The following EFCAB6 variants were observed in gnomAD, a reference collection of about 807,000 sequenced individuals.
EFCAB6 encodes the protein EF-hand calcium-binding domain-containing protein 6.
A neutral mutation model predicts 169.8 loss-of-function variants in EFCAB6; 156 were observed. That is an observed-to-expected ratio of 0.92 (90% CI 0.81 to 1.05). EFCAB6 has a LOEUF of 1.05. Among genes scored for constraint, EFCAB6 ranks in the 50% least tolerant of loss-of-function variants. The pLI is 0.00. For missense variants in EFCAB6, 1,800 were observed against 1,829.1 expected (o/e 0.98, Z 0.29); for synonymous variants, 698 against 676.4 (o/e 1.03, Z -0.50).
rs2147257059 is a variant in EFCAB6 at position 43,576,361 on chromosome 22, A to G, written c.3356T>C (p.Ile1119Thr). The G allele has an allele frequency of 6.2e-7, 1 of 1,600,482 alleles. No homozygotes were observed. The highest frequency in any genetic ancestry group is 1.1e-5 in the South Asian group (1 of 87,106). The change falls in exon 26 of 32, where the codon ATT becomes ACT. Residue 1119 changes from isoleucine to threonine, a missense_variant. Coordinates refer to ENST00000262726, the MANE Select transcript of EFCAB6 (RefSeq NM_022785.4). ...QYHYFLRKLRIHLTPYINWKY... is the reference protein window; with the variant it reads ...QYHYFLRKLRTHLTPYINWKY... ...CCAATTTATATAGGGGGTTAGATGAATTCTTAGTTTCCTCAAAAAATAATG... is the reference window on the plus strand; with the variant it reads ...CCAATTTATATAGGGGGTTAGATGAGTTCTTAGTTTCCTCAAAAAATAATG...
intron 2 of EFCAB6, among the ~76,000 whole-genome samples, chr22:43,787,348 A>G (rs1334056352): frequency 2.3e-5 from 2 of 88,034 alleles, no homozygotes; most frequent in Non-Finnish European, 2.3e-5. Context: ...AGATACACAC[A>G]TATGCACACA....
intron 6 of EFCAB6, among the ~76,000 whole-genome samples, chr22:43,747,151 T>C (rs946344134): frequency 2.6e-5 from 4 of 152,198 alleles, no homozygotes; most frequent in Non-Finnish European, 5.9e-5. Context: ...CCACCTCACC[T>C]AAGAAATAGA....
chr22:43,676,706 A>G (rs1322568383), intron 13 of EFCAB6, among the ~76,000 whole-genome samples: 2 of 152,230 alleles, frequency 1.3e-5, no homozygotes, highest in African/African-American at 4.8e-5. Context: ...ACATGTACCA[A>G]GAGGAGGTAA....
intron 12 of EFCAB6, among the ~76,000 whole-genome samples, chr22:43,680,074 T>C (rs568831405): frequency 1.5e-4 from 23 of 152,308 alleles, no homozygotes; most frequent in African/African-American, 5.5e-4. Context: ...CAAAGATTTA[T>C]ATATGTTTTT....
rs2050371124 is a variant in EFCAB6 at position 43,577,959 on chromosome 22, TAAAAGGGTCAC to T, written c.3229-1482_3229-1472del. On this transcript the variant is annotated intron_variant, in intron 25 of 31. Coordinates refer to ENST00000262726, the MANE Select transcript of EFCAB6 (RefSeq NM_022785.4). ...TCCCACCTCCAAGAGTCTGATACCC[TAAAAGGGTCAC>T]TAGCCTTGATTTCTTCAAAAGTCAT... Among the ~76,000 whole-genome samples the T allele has an allele frequency of 2.0e-5, 3 of 151,622 alleles. No individual in the cohort carries two copies. In the East Asian group the frequency reaches 5.8e-4, roughly 29 times the overall value.
intron 2 of EFCAB6, chr22:43,802,480 T>G (rs2062759237): frequency 3.4e-6 from 1 of 290,788 alleles, no homozygotes; most frequent in Admixed American, 4.3e-5. Context: ...GCAGTGAGCC[T>G]AGATCATGCC....
rs540911447 is a variant in EFCAB6, at chr22:43,727,831, C to T, written c.757+3868G>A. ...CTCATTTGGCTTATGGTTCTGCAGG[C>T]TGTACAAGCATGGCTCGTACATCCT... On this transcript the variant is annotated intron_variant, in intron 8 of 31. Transcript: ENST00000262726. Among the ~76,000 whole-genome samples, 6 of 152,034 alleles carry T rather than the reference C, an allele frequency of 3.9e-5. 1 individual carries two copies. The East Asian group carries it at 1.2e-3, about 29-fold the overall frequency.
intron 8 of EFCAB6, among the ~76,000 whole-genome samples, chr22:43,720,468 T>A (rs2059483591): frequency 1.3e-5 from 2 of 152,004 alleles, no homozygotes; most frequent in South Asian, 4.1e-4. Context: ...GCTATGATCA[T>A]GCCATTGCGC....
In EFCAB6 at chr22:43,588,046, C is replaced by T. The variant is rs139756254; in HGVS notation, c.3032+2028G>A. Among the ~76,000 whole-genome samples, 687 of 152,294 alleles carry T rather than the reference C, an allele frequency of 4.5e-3. 3 individuals are homozygous for T. Among genetic ancestry groups the T allele is most frequent in the Non-Finnish European group, 8.6e-3 (588 of 68,022 alleles). On this transcript the variant is annotated intron_variant, in intron 24 of 31. Transcript: ENST00000262726. ...TTGTCTATCTTAAGTCCTAATTTAA[C>T]TGAGAATCTTGTATTTTGTTTGGCA...
chr22:43,565,870 T>C (rs562074882), intron 26 of EFCAB6, among the ~76,000 whole-genome samples: 1 of 152,310 alleles, frequency 6.6e-6, no homozygotes, highest in East Asian at 1.9e-4. Context: ...AAGAATGGTG[T>C]AATTACTTCT....
In EFCAB6 at chr22:43,776,620, C is replaced by T. The variant is rs540450653; in HGVS notation, c.140-3517G>A. ...CAAGAAGCTGAAGTAAGAATGTCTT[C>T]AACAGGGAAACCATAGCAACCAGTG... is the stretch of plus-strand genomic sequence containing the variant. On this transcript the variant is annotated intron_variant, in intron 3 of 31. Transcript: ENST00000262726. 4.2e-3 allele frequency among the ~76,000 whole-genome samples: 638 copies of T among 152,216 alleles called. 2 individuals are homozygous for T. The highest frequency in any genetic ancestry group is 0.027 in the Middle Eastern group (8 of 294).
intron 20 of EFCAB6, among the ~76,000 whole-genome samples, chr22:43,621,113 G>T (rs1262251542): frequency 6.8e-6 from 1 of 147,518 alleles, no homozygotes; most frequent in African/African-American, 2.5e-5. Context: ...TTTTGAGACA[G>T]AGTCTCACTC....
chr22:43,582,069 TA>T (rs2050761990), intron 24 of EFCAB6, among the ~76,000 whole-genome samples: 2 of 152,170 alleles, frequency 1.3e-5, no homozygotes, highest in Admixed American at 6.5e-5. Flanking sequence ...TTTCAATACA[TA>T]AAAAAGTTGA....
At chr22:43,661,646 C>T (rs2057007198) in intron 17 of EFCAB6, among the ~76,000 whole-genome samples, 1 of 152,212 alleles carries the variant, frequency 6.6e-6, no homozygotes, top group African/African-American at 2.4e-5. Context: ...ACACATCCAA[C>T]CATGGAAAGC....
intron 11 of EFCAB6, among the ~76,000 whole-genome samples, chr22:43,685,415 C>T (rs949429371): frequency 6.6e-6 from 1 of 152,194 alleles, no homozygotes; most frequent in Non-Finnish European, 1.5e-5. Context: ...GAGAACACAG[C>T]TCTCCCTCGG....
chr22:43,603,238 C>T (rs1167259294), intron 22 of EFCAB6, among the ~76,000 whole-genome samples: 1 of 152,200 alleles, frequency 6.6e-6, no homozygotes, highest in African/African-American at 2.4e-5. Flanking sequence ...GAACAGAAGA[C>T]TAGATTGCAC....
At chr22:43,569,915 C>T (rs1399028429) in intron 26 of EFCAB6, among the ~76,000 whole-genome samples, 1 of 152,208 alleles carries the variant, frequency 6.6e-6, no homozygotes, top group African/African-American at 2.4e-5. Flanking sequence ...TTACAATTAT[C>T]TTAGAGCCCT....
intron 8 of EFCAB6, among the ~76,000 whole-genome samples, chr22:43,731,059 G>A (rs992862413): frequency 3.3e-5 from 5 of 152,158 alleles, no homozygotes; most frequent in African/African-American, 1.2e-4. Context: ...AATGACCAAA[G>A]GCTGGGAAGG....
chr22:43,793,766 C>A (rs1339990196), intron 2 of EFCAB6, among the ~76,000 whole-genome samples: 1 of 142,370 alleles, frequency 7.0e-6, no homozygotes, highest in African/African-American at 2.6e-5. Context: ...CACTCTATCT[C>A]CACGGTCAGA....
Sources: allele counts gnomAD v4.1 joint callset (sites outside exome capture counted in the v4.1 genomes callset), GRCh38; gene constraint gnomAD v4.1.1; transcripts MANE v1.5; gene names NCBI Gene and HGNC (gene_info 2026-07-23, HGNC 2026-07-21).